The following IQSEC1 variants were observed in gnomAD, a reference collection of about 807,000 sequenced individuals.
IQSEC1 encodes the protein IQ motif and Sec7 domain ArfGEF 1.
A neutral mutation model predicts 91.0 loss-of-function variants in IQSEC1; 31 were observed. That is an observed-to-expected ratio of 0.34 (90% confidence interval 0.26 to 0.46). IQSEC1 has a LOEUF of 0.46. Ranked by LOEUF, IQSEC1 falls within the 20% of genes least tolerant of loss-of-function variation. The pLI, the probability that IQSEC1 is intolerant of heterozygous loss-of-function variation, is 1.00. For synonymous variants in IQSEC1, 699 were observed against 662.6 expected (o/e 1.05, Z -0.84); for missense variants, 1,388 against 1,575.6 (o/e 0.88, Z 2.02).
chr3:13,042,729 A>G (rs1704329353), intron 1 of IQSEC1, among the ~76,000 whole-genome samples: 2 of 152,040 alleles, frequency 1.3e-5, no homozygotes, highest in Non-Finnish European at 2.9e-5. Flanking sequence ...TCTGGATGCT[A>G]GGGCTCCTGA....
In IQSEC1 at chr3:12,936,435, G is replaced by T. The variant is rs368630864; in HGVS notation, c.581C>A (p.Ala194Asp). Residue 194 changes from alanine (A) to aspartate (D), a missense_variant, in exon 3 of 14, where the codon GCC becomes GAC. Coordinates refer to ENST00000613206, the MANE Select transcript of IQSEC1 (RefSeq NM_001134382.3). ...SVTNDGSQLG[A>D]LVSPECGDLS... ...GTCACCACACTCAGGGGACACCAGG[G>T]CTCCCAGCTGGGAGCCGTCGTTAGT... 3.2e-5 allele frequency: 51 copies of T among 1,602,858 alleles called. No individual in the cohort carries two copies. Among genetic ancestry groups the T allele is most frequent in the Non-Finnish European group, 4.1e-5 (48 of 1,173,084 alleles).
chr3:13,145,812 G>GGA lies in IQSEC1; in HGVS notation c.302+18291_302+18292insTC, dbSNP rs562338498. Reference sequence around the variant, plus strand: ...ACCTGGGCGCCCGGGGGCGGGGGGGGGGGGTCCTGATCATTGGGAACAAGT... The same window carrying GGA: ...ACCTGGGCGCCCGGGGGCGGGGGGGGGAGGGGTCCTGATCATTGGGAACAAGT... On this transcript the variant is annotated intron_variant, in intron 2 of 15. Transcript: ENST00000648114. 2.2e-5 allele frequency among the ~76,000 whole-genome samples: 3 copies of GGA among 133,582 alleles called. 1 individual carries two copies. The South Asian group carries it at 9.3e-4, about 42-fold the overall frequency. 87.6% of individuals were successfully genotyped at this position (133,582 alleles called of 152,430 possible). A position where few individuals can be genotyped will look rare whatever the true frequency, so the allele number is the denominator to read the frequency against.
chr3:12,982,562 T>A (rs1365286233), intron 1 of IQSEC1, among the ~76,000 whole-genome samples: 1 of 152,236 alleles, frequency 6.6e-6, no homozygotes, highest in African/African-American at 2.4e-5. Context: ...AAAATGTTCT[T>A]AGCCACAACC....
intron 2 of IQSEC1, among the ~76,000 whole-genome samples, chr3:13,111,828 C>T (rs1411110917): frequency 6.6e-6 from 1 of 152,190 alleles, no homozygotes; most frequent in African/African-American, 2.4e-5. Flanking sequence ...AGCAACCTGA[C>T]CTTGATCTTG....
chr3:13,209,139 G>A (rs1322974695), intron 1 of IQSEC1, among the ~76,000 whole-genome samples: 1 of 152,206 alleles, frequency 6.6e-6, no homozygotes. Flanking sequence ...TTTATATTCA[G>A]GGGCAGGGAC....
chr3:13,174,143 C>A (rs373392758), intron 1 of IQSEC1, among the ~76,000 whole-genome samples: 1 of 152,170 alleles, frequency 6.6e-6, no homozygotes, highest in African/African-American at 2.4e-5. Flanking sequence ...TGGCGCCCAG[C>A]CTCAGACCCT....
chr3:13,278,016 G>T (rs1212483272), intron 1 of IQSEC1, among the ~76,000 whole-genome samples: 1 of 152,190 alleles, frequency 6.6e-6, no homozygotes, highest in Non-Finnish European at 1.5e-5. Context: ...CCCCTCATCA[G>T]TGGCCACCCC....
rs375323064 is a variant in IQSEC1 at position 12,899,479 on chromosome 3, G to A, written c.*1504C>T. Reference sequence around the variant, plus strand: ...GGTGACTCGGGCACAGACCTGCCGCGTGCAGGTCTGGCCCTGGGGAGCGCA... The same window carrying A: ...GGTGACTCGGGCACAGACCTGCCGCATGCAGGTCTGGCCCTGGGGAGCGCA... On this transcript the variant is annotated 3_prime_UTR_variant, in exon 14 of 14. Transcript: ENST00000613206. 1,007 of 1,595,040 alleles carry A rather than the reference G, an allele frequency of 6.3e-4. No homozygotes were observed. The highest frequency in any genetic ancestry group is 7.9e-4 in the Non-Finnish European group (924 of 1,171,046).
intron 2 of IQSEC1, among the ~76,000 whole-genome samples, chr3:13,092,283 T>C (rs962225743): frequency 2.0e-5 from 3 of 152,176 alleles, no homozygotes; most frequent in African/African-American, 7.2e-5. Context: ...AAGTAAGTTC[T>C]GGGGTTAGTA....
At position 12,986,024 on chromosome 3, in the gene IQSEC1, T is replaced by C. The variant is rs140876746; in HGVS notation, c.24-44159A>G. Among the ~76,000 whole-genome samples the C allele has an allele frequency of 3.9e-5, 6 of 152,308 alleles. No individual in the cohort carries two copies. In the East Asian group the frequency reaches 1.2e-3, roughly 29 times the overall value. On this transcript the variant is annotated intron_variant, in intron 1 of 13. Coordinates refer to ENST00000613206, the MANE Select transcript of IQSEC1 (RefSeq NM_001134382.3). ...CCCATGGGCCTTGCCTGTTGGGCCA[T>C]GTTTTGAAAGCCCTTCTTTACCATC... is the stretch of plus-strand genomic sequence containing the variant.
At chr3:13,064,452 A>G (rs1285704361) in intron 1 of IQSEC1, among the ~76,000 whole-genome samples, 1 of 152,266 alleles carries the variant, frequency 6.6e-6, no homozygotes, top group Non-Finnish European at 1.5e-5. Flanking sequence ...TTAGAATAAA[A>G]TAAACGGTAA....
intron 2 of IQSEC1, among the ~76,000 whole-genome samples, chr3:13,108,260 C>T (rs1486945380): frequency 6.6e-6 from 1 of 152,216 alleles, no homozygotes. Flanking sequence ...ACACATGTGG[C>T]TGTAATATAA....
chr3:13,165,570 G>GTCTGTC, intron 1 of IQSEC1, among the ~76,000 whole-genome samples: 1 of 144,866 alleles, frequency 6.9e-6, no homozygotes, highest in African/African-American at 2.6e-5. Flanking sequence ...GTGTGTGTGT[G>GTCTGTC]TGTGTGTGTG....
At chr3:13,191,477 A>ATTTTTTTTTTTTTT (rs57912681) in intron 1 of IQSEC1, among the ~76,000 whole-genome samples, 15 of 92,102 alleles carry the variant, frequency 1.6e-4, no homozygotes, top group East Asian at 7.8e-4. Flanking sequence ...CACCCAGCTA[A>ATTTTTTTTTTTTTT]TTTTTTTTTT....
At chr3:13,275,046 G>A (rs532732202) in intron 1 of IQSEC1, among the ~76,000 whole-genome samples, 16 of 152,340 alleles carry the variant, frequency 1.1e-4, no homozygotes, top group South Asian at 8.3e-4. Context: ...TGTGAATCCC[G>A]CCGCTGCCAC....
At chr3:12,964,980 T>C (rs11919291) in intron 1 of IQSEC1, among the ~76,000 whole-genome samples, 2,307 of 152,274 alleles carry the variant, frequency 0.015, 64 homozygotes, top group African/African-American at 0.053. Flanking sequence ...GCTGTGTAAA[T>C]ATTAGCGCAA....
At chr3:13,216,581 G>A (rs1176878524) in intron 1 of IQSEC1, among the ~76,000 whole-genome samples, 1 of 152,198 alleles carries the variant, frequency 6.6e-6, no homozygotes, top group Non-Finnish European at 1.5e-5. Context: ...GGGACAGGGG[G>A]ACCGCAGGAG....
In IQSEC1 at chr3:13,103,357, A is replaced by G. The variant is rs73812886; in HGVS notation, c.303-55835T>C. On this transcript the variant is annotated intron_variant, in intron 2 of 15. Transcript: ENST00000648114. This position sits in a 1 kb window ranked among gnomAD's most constrained non-coding sequence, Gnocchi z 4.1. ...CCGCCCCCGCCAACACACCCGAGGC[A>G]CCAATAGATCACCCTCTCCCCTCCA... is the stretch of plus-strand genomic sequence containing the variant. Among the ~76,000 whole-genome samples, 3,589 of 152,088 alleles carry G rather than the reference A, an allele frequency of 0.024. 145 individuals carry two copies. Among genetic ancestry groups the G allele is most frequent in the African/African-American group, 0.08 (3,337 of 41,482 alleles).
intron 8 of IQSEC1, among the ~76,000 whole-genome samples, chr3:12,914,837 G>C (rs1423365392): frequency 6.6e-6 from 1 of 152,020 alleles, no homozygotes; most frequent in Admixed American, 6.6e-5. Flanking sequence ...GACACACCGG[G>C]GTCTGTTTCA....
Sources: allele counts gnomAD v4.1 joint callset (sites outside exome capture counted in the v4.1 genomes callset), GRCh38; gene constraint gnomAD v4.1.1; non-coding constraint Gnocchi (gnomAD v3.1); transcripts MANE v1.5; gene names NCBI Gene and HGNC (gene_info 2026-07-23, HGNC 2026-07-21).